Variants in LTBP1 observed in about 807,000 individuals in gnomAD.
LTBP1 encodes the protein latent transforming growth factor beta binding protein 1.
LTBP1 carries 129 observed loss-of-function variants against 207.6 expected under a neutral mutation model. That is an observed-to-expected ratio of 0.62 (90% CI 0.54 to 0.72). The LOEUF (loss-of-function observed/expected upper bound fraction) is 0.72. LTBP1 is among the 30% of genes least tolerant of loss of function. LTBP1 has a pLI of 0.00. For synonymous variants in LTBP1, 963 were observed against 833.7 expected, an observed-to-expected ratio of 1.16 and a Z score of -2.67; for missense variants, 2,281 against 2,217.2, an observed-to-expected ratio of 1.03 and a Z score of -0.58.
At chr2:33,047,687 G>A (rs759496389) in intron 3 of LTBP1, among the ~76,000 whole-genome samples, 10 of 152,236 alleles carry the variant, frequency 6.6e-5, no homozygotes, top group African/African-American at 2.2e-4. Flanking sequence ...TTTCTGTCTC[G>A]TTGATCTGAC....
At chr2:33,056,828 C>T (rs922002530) in intron 3 of LTBP1, among the ~76,000 whole-genome samples, 11 of 151,970 alleles carry the variant, frequency 7.2e-5, no homozygotes, top group African/African-American at 2.2e-4. Flanking sequence ...GGGACCCGGA[C>T]GGGTTGCCAC....
intron 3 of LTBP1, among the ~76,000 whole-genome samples, chr2:33,045,402 T>A (rs565817554): frequency 4.6e-5 from 7 of 152,348 alleles, no homozygotes; most frequent in African/African-American, 1.7e-4. Flanking sequence ...TTGTCAGATT[T>A]GTCAAAGATC....
chr2:33,088,642 G>A (rs1365497845), intron 3 of LTBP1, among the ~76,000 whole-genome samples: 2 of 152,108 alleles, frequency 1.3e-5, no homozygotes, highest in Non-Finnish European at 2.9e-5. Context: ...GGATCCCTTG[G>A]CTTAGAACAG....
chr2:33,333,626 T>C (rs956852454), intron 24 of LTBP1, among the ~76,000 whole-genome samples: 2 of 152,224 alleles, frequency 1.3e-5, no homozygotes, highest in Non-Finnish European at 2.9e-5. Context: ...TGACACTATT[T>C]GCTGACATGG....
chr2:33,365,694 T>C (rs2094977816), intron 31 of LTBP1, among the ~76,000 whole-genome samples, 191 bp downstream of exon 31: 1 of 151,788 alleles, frequency 6.6e-6, no homozygotes, highest in Non-Finnish European at 1.5e-5. Context: ...TTACCTCTAC[T>C]CCCGACCCTG....
chr2:33,392,593 C>T (rs532751878), intron 32 of LTBP1, among the ~76,000 whole-genome samples: 7 of 152,206 alleles, frequency 4.6e-5, no homozygotes, highest in African/African-American at 7.2e-5. Context: ...AGCAAATGGG[C>T]GTGGCTGGGT....
Position 33,078,755 on chromosome 2 carries a change from A to G in LTBP1, c.864-31827A>G, listed in dbSNP as rs74805485. On this transcript the variant is annotated intron_variant, in intron 3 of 33. Transcript: ENST00000404816. ...GGCATATCACTAAGCTGGAGTCTAT[A>G]TTACATAGTCAGCTCAATAAGGTGA... Among the ~76,000 whole-genome samples the G allele has an allele frequency of 9.3e-4, 141 of 152,088 alleles. 1 individual carries two copies. In the East Asian group the frequency reaches 0.023, roughly 25 times the overall value.
intron 9 of LTBP1, among the ~76,000 whole-genome samples, chr2:33,230,612 A>G (rs2091730960): frequency 1.3e-5 from 2 of 152,154 alleles, no homozygotes; most frequent in South Asian, 2.1e-4. Flanking sequence ...TAATACTAAG[A>G]GCTCCTACGT....
At chr2:33,357,628 T>C (rs1289657990) in intron 26 of LTBP1, among the ~76,000 whole-genome samples, 2 of 152,122 alleles carry the variant, frequency 1.3e-5, no homozygotes, top group East Asian at 1.9e-4. Flanking sequence ...ATAGAAAATG[T>C]CCAAAACCGA....
intron 7 of LTBP1, among the ~76,000 whole-genome samples, chr2:33,196,224 G>A (rs577642925): frequency 6.6e-6 from 1 of 152,192 alleles, no homozygotes; most frequent in South Asian, 2.1e-4. Flanking sequence ...CAAGTAGCAC[G>A]AACTTGACTC....
rs540527651 is a variant in LTBP1, at chr2:33,199,204, C to T, written c.1701+10353C>T. 1.6e-3 allele frequency among the ~76,000 whole-genome samples: 247 copies of T among 152,114 alleles called. 1 individual carries two copies. Among genetic ancestry groups the T allele is most frequent in the African/African-American group, 4.6e-3 (193 of 41,516 alleles). ...GTTGTTCAGTTTCCATGTAGTTGAA[C>T]GGTTTTGAGTGAGTTTCTTAATCCT... On this transcript the variant is annotated intron_variant, in intron 7 of 33. Coordinates refer to ENST00000404816, the MANE Select transcript of LTBP1 (RefSeq NM_206943.4).
intron 2 of LTBP1, among the ~76,000 whole-genome samples, chr2:32,974,763 A>G (rs77377311): frequency 0.04 from 6,100 of 152,190 alleles, 199 homozygotes; most frequent in Non-Finnish European, 0.068. Context: ...TAGTCTACGG[A>G]TGTCATTTTA....
intron 2 of LTBP1, among the ~76,000 whole-genome samples, chr2:32,975,347 G>A (rs1558461351): frequency 1.3e-5 from 2 of 151,988 alleles, no homozygotes; most frequent in Non-Finnish European, 2.9e-5. Context: ...TGTGATGACT[G>A]TGTATCTTGG....
intron 24 of LTBP1, among the ~76,000 whole-genome samples, chr2:33,318,658 A>G (rs770907567): frequency 6.6e-6 from 1 of 152,100 alleles, no homozygotes; most frequent in Non-Finnish European, 1.5e-5. Flanking sequence ...CTTCTGCTAC[A>G]CTTCCCTTTC....
At chr2:32,955,218 A>G (rs1386511163) in intron 2 of LTBP1, among the ~76,000 whole-genome samples, 1 of 152,214 alleles carries the variant, frequency 6.6e-6, no homozygotes, top group African/African-American at 2.4e-5. Flanking sequence ...ACGCTTAGCA[A>G]TTTAGAGAAA....
Position 33,166,496 on chromosome 2 carries a change from A to G in LTBP1, c.1202-20360A>G, listed in dbSNP as rs144301144. On this transcript the variant is annotated intron_variant, in intron 5 of 33. Coordinates refer to ENST00000404816, the MANE Select transcript of LTBP1 (RefSeq NM_206943.4). ...TGTCTCTGATTCTTATCCTGTACAG[A>G]ATCTAGACCTCCAATTGTTTTATTG... Among the ~76,000 whole-genome samples, 12 of 152,300 alleles carry G rather than the reference A, an allele frequency of 7.9e-5. No homozygotes were observed. In the East Asian group the frequency reaches 2.1e-3, roughly 27 times the overall value.
intron 26 of LTBP1, among the ~76,000 whole-genome samples, chr2:33,353,768 A>G (rs2094815191): frequency 1.3e-5 from 2 of 152,178 alleles, no homozygotes. Context: ...AACACAGAAT[A>G]CAACTCATCT....
intron 18 of LTBP1, among the ~76,000 whole-genome samples, chr2:33,276,720 A>G (rs2015010): frequency 0.99 from 151,196 of 152,266 alleles, 75,069 homozygotes; most frequent in Middle Eastern, 1. Flanking sequence ...ATGTGGTGGC[A>G]CACGCCTGTA....
chr2:33,325,168 G>T (rs1262097489), intron 24 of LTBP1, among the ~76,000 whole-genome samples: 1 of 152,048 alleles, frequency 6.6e-6, no homozygotes, highest in African/African-American at 2.4e-5. Context: ...GTCATTCCCT[G>T]TATCAAGGGC....
Sources: allele counts gnomAD v4.1 joint callset (sites outside exome capture counted in the v4.1 genomes callset), GRCh38; gene constraint gnomAD v4.1.1; transcripts MANE v1.5; gene names NCBI Gene and HGNC (gene_info 2026-07-23, HGNC 2026-07-21).